Variants in AGAP3 observed in about 807,000 individuals in gnomAD.
The protein encoded by AGAP3 is ArfGAP with GTPase domain, ankyrin repeat and PH domain 3.
A neutral mutation model predicts 96.9 loss-of-function variants in AGAP3; 24 were observed. The observed-to-expected ratio is 0.25, with a 90% CI of 0.18 to 0.35. The LOEUF (loss-of-function observed/expected upper bound fraction) is 0.35. AGAP3 is among the 10% of genes least tolerant of loss of function. AGAP3 has a pLI of 1.00. For missense variants in AGAP3, 876 were observed against 1,254.2 expected, an observed-to-expected ratio of 0.70 and a Z score of 4.55; for synonymous variants, 563 against 536.1, an observed-to-expected ratio of 1.05 and a Z score of -0.69.
In AGAP3 at chr7:151,114,737, C is replaced by A; in HGVS notation, c.332-2056C>A. On this transcript the variant is annotated intron_variant, in intron 1 of 17. Transcript: ENST00000397238. The surrounding 1 kb of genome is among the most constrained non-coding windows in gnomAD (Gnocchi z 4.4). ...CCCGGGCCCAGCCCCGTGCCCCTCG[C>A]CATGGGCCTGGCCCGCGCCCGCCGG... 3.0e-6 allele frequency: 3 copies of A among 1,013,142 alleles called. No homozygotes were observed. The highest frequency in any genetic ancestry group is 3.5e-6 in the Non-Finnish European group (3 of 849,238). The allele number at this position is 1,013,142 out of a possible 1,614,324, so 62.8% of individuals were successfully genotyped here. A position where few individuals can be genotyped will look rare whatever the true frequency, so the allele number is the denominator to read the frequency against.
At chr7:151,134,965 T>C (rs139503782) in intron 11 of AGAP3, among the ~76,000 whole-genome samples, 2 of 152,142 alleles carry the variant, frequency 1.3e-5, no homozygotes, top group African/African-American at 4.8e-5. Context: ...CTGTCTGAGG[T>C]CAACCTGGTG....
chr7:151,089,030 C>A lies in AGAP3; in HGVS notation c.331+1958C>A, dbSNP rs1023387683. Among the ~76,000 whole-genome samples, 14 of 152,222 alleles carry A rather than the reference C, an allele frequency of 9.2e-5. No individual in the cohort carries two copies. The East Asian group carries it at 2.7e-3, about 29-fold the overall frequency. ...ACATCCGTTCTCAGCCCTGCTGTTC[C>A]CACTCCTGGGCCCTGCTGCCCTGCT... On this transcript the variant is annotated intron_variant, in intron 1 of 17. Transcript: ENST00000397238.
intron 8 of AGAP3, among the ~76,000 whole-genome samples, chr7:151,122,221 G>A (rs756813458): frequency 3.3e-5 from 5 of 152,218 alleles, no homozygotes; most frequent in African/African-American, 1.2e-4. Flanking sequence ...GGGCTGTGGC[G>A]GTCTGGGCCG....
At chr7:151,087,302 G>A in intron 1 of AGAP3, 1 of 569,034 alleles carries the variant, frequency 1.8e-6, no homozygotes, top group Non-Finnish European at 3.2e-6. Flanking sequence ...GTGTTCCAGG[G>A]CGCGAAGGTG....
At chr7:151,126,449 G>A (rs965755830) in intron 9 of AGAP3, among the ~76,000 whole-genome samples, 6 of 151,442 alleles carry the variant, frequency 4.0e-5, no homozygotes, top group Admixed American at 2.0e-4. Context: ...GGAGAGGCTG[G>A]GAGAGGCTGG....
rs1799150489 is a variant in AGAP3 at position 151,108,540 on chromosome 7, G to C, written c.332-8253G>C. 6.6e-6 allele frequency among the ~76,000 whole-genome samples: 1 copy of C among 152,208 alleles called. No individual in the cohort carries two copies. The highest frequency in any genetic ancestry group is 1.5e-5 in the Non-Finnish European group (1 of 68,046). On this transcript the variant is annotated intron_variant, in intron 1 of 17. Coordinates refer to ENST00000397238, the MANE Select transcript of AGAP3 (RefSeq NM_031946.7). This position sits in a 1 kb window ranked among gnomAD's most constrained non-coding sequence, Gnocchi z 4.2. ...CTCTCAGACCGACATCCTGACCTCTGGAGATGGGGCAGAATCCCCGGGCCT... is the reference window on the plus strand; with the variant it reads ...CTCTCAGACCGACATCCTGACCTCTCGAGATGGGGCAGAATCCCCGGGCCT...
intron 1 of AGAP3, among the ~76,000 whole-genome samples, chr7:151,107,874 G>C (rs1470745740): frequency 1.3e-5 from 2 of 152,234 alleles, no homozygotes; most frequent in East Asian, 3.9e-4. Context: ...GCCGTACGAT[G>C]CTTCATATTC....
intron 10 of AGAP3, among the ~76,000 whole-genome samples, chr7:151,130,165 C>T (rs1800348416): frequency 6.6e-6 from 1 of 152,204 alleles, no homozygotes; most frequent in Non-Finnish European, 1.5e-5. Context: ...CCCCTTTGCC[C>T]AGTTCTTACC....
chr7:151,130,941 C>T (rs1800379192), intron 10 of AGAP3: 1 of 152,354 alleles, frequency 6.6e-6, no homozygotes, highest in Non-Finnish European at 1.5e-5. Flanking sequence ...CACCTCCCTA[C>T]CTGTGAGCAG....
In AGAP3 at chr7:151,142,248, C is replaced by T. The variant is rs1800845475; in HGVS notation, c.2045C>T (p.Ala682Val). 2 of 1,612,876 alleles carry T rather than the reference C, an allele frequency of 1.2e-6. No individual in the cohort carries two copies. The highest frequency in any genetic ancestry group is 1.7e-6 in the Non-Finnish European group (2 of 1,179,902). Reference protein sequence around the residue: ...RGNSFCIDCDAPNPDWASLNL... With the variant: ...RGNSFCIDCDVPNPDWASLNL... ...AACAGCTTTTGTATCGACTGCGATGCACCCAGTGAGTGCAAGGCTGGTGGG... is the reference window on the plus strand; with the variant it reads ...AACAGCTTTTGTATCGACTGCGATGTACCCAGTGAGTGCAAGGCTGGTGGG... Residue 682 changes from alanine (A) to valine (V), a missense_variant, in exon 15 of 18, where the codon GCA becomes GTA. By Grantham distance (64) the Ala-to-Val change is moderately conservative (BLOSUM62 0). Coordinates refer to ENST00000397238, the MANE Select transcript of AGAP3 (RefSeq NM_031946.7). The surrounding 1 kb of genome is among the most constrained non-coding windows in gnomAD (Gnocchi z 7.5).
At chr7:151,101,245 G>A (rs191257299) in intron 1 of AGAP3, among the ~76,000 whole-genome samples, 36 of 152,364 alleles carry the variant, frequency 2.4e-4, no homozygotes, top group Non-Finnish European at 3.8e-4. Context: ...TCCTGGGCTG[G>A]TGGGGGAATG....
intron 1 of AGAP3, among the ~76,000 whole-genome samples, chr7:151,104,114 CG>C (rs1227590753): frequency 2.0e-5 from 3 of 152,150 alleles, no homozygotes; most frequent in African/African-American, 7.2e-5. Flanking sequence ...TAAACTGCCC[CG>C]CACAACTGTT....
intron 1 of AGAP3, among the ~76,000 whole-genome samples, chr7:151,102,737 T>A (rs1309317401): frequency 1.3e-5 from 2 of 151,966 alleles, no homozygotes; most frequent in Non-Finnish European, 2.9e-5. Flanking sequence ...CACCTCAGCC[T>A]CCCAAGTAGC....
At position 151,086,575 on chromosome 7, in the gene AGAP3, G is replaced by C. The variant is rs1438170436; in HGVS notation, c.-167G>C. ...GTGCGCGGCGGCGCCTCCTGGCCTCGGCCTCCGGCCCCCGGCCCCCGGCTC... is the reference window on the plus strand; with the variant it reads ...GTGCGCGGCGGCGCCTCCTGGCCTCCGCCTCCGGCCCCCGGCCCCCGGCTC... On this transcript the variant is annotated 5_prime_UTR_variant, in exon 1 of 18. Transcript: ENST00000397238. Among the ~76,000 whole-genome samples the C allele has an allele frequency of 2.0e-5, 3 of 147,048 alleles. No homozygotes were observed. The highest frequency in any genetic ancestry group is 7.3e-5 in the African/African-American group (3 of 40,924).
intron 1 of AGAP3, among the ~76,000 whole-genome samples, chr7:151,091,230 G>T (rs568594625): frequency 8.5e-5 from 13 of 152,312 alleles, no homozygotes; most frequent in African/African-American, 2.6e-4. Context: ...GGACTGGGGG[G>T]GTCTGGGATG....
rs777890780 is a variant in AGAP3, at chr7:151,143,570, G to A, written c.2503G>A (p.Val835Ile). The change falls in exon 17 of 18, where the codon GTT (valine) becomes ATT (isoleucine). Residue 835 changes from valine to isoleucine, a missense_variant. Val to Ile is a conservative substitution (Grantham distance 29). This residue lies in a region of AGAP3 where 213 missense variants were observed against 253.8 expected (regional missense o/e 0.84). Transcript: ENST00000397238. The surrounding 1 kb of genome is among the most constrained non-coding windows in gnomAD (Gnocchi z 5.9). ...ALHLSSAMAN[V>I]VFTQLLIWYG... ...ACATCTCTCCAGTGCCATGGCCAACGTTGTCTTCACGCAGCTGCTCATCTG... is the reference window on the plus strand; with the variant it reads ...ACATCTCTCCAGTGCCATGGCCAACATTGTCTTCACGCAGCTGCTCATCTG... The A allele has an allele frequency of 2.0e-5, 32 of 1,607,648 alleles. No individual in the cohort carries two copies. Among genetic ancestry groups the A allele is most frequent in the Admixed American group, 1.0e-4 (6 of 59,828 alleles).
Position 151,142,425 on chromosome 7 carries a change from C to T in AGAP3, c.2064C>T (p.Ala688=). ...IDCDAPNPDW[A]SLNLGALMCI... ...CTCCTTGCCTAGATCCAGACTGGGC[C>T]AGCCTGAACCTGGGTGCCCTGATGT... Residue 688 remains alanine, a synonymous_variant, in exon 16 of 18, where the codon GCC becomes GCT. Coordinates refer to ENST00000397238, the MANE Select transcript of AGAP3 (RefSeq NM_031946.7). The surrounding 1 kb of genome is among the most constrained non-coding windows in gnomAD (Gnocchi z 7.5). 1 of 1,613,816 alleles carries T rather than the reference C, an allele frequency of 6.2e-7. No individual in the cohort carries two copies. The highest frequency in any genetic ancestry group is 8.5e-7 in the Non-Finnish European group (1 of 1,179,872).
At chr7:151,136,967 T>A (rs777528480) in intron 11 of AGAP3, among the ~76,000 whole-genome samples, 10 of 152,248 alleles carry the variant, frequency 6.6e-5, no homozygotes, top group Non-Finnish European at 1.2e-4. Context: ...GAGACCGGCC[T>A]GTAGCCTCTG....
rs192450197 is a variant in AGAP3 at position 151,128,589 on chromosome 7, C to T, written c.1231C>T (p.Leu411=). 127 of 1,613,716 alleles carry T rather than the reference C, an allele frequency of 7.9e-5. 1 individual carries two copies. In the East Asian group the frequency reaches 2.7e-3, roughly 34 times the overall value. The part of the protein sequence containing the change: ...RAIPIKQGIL[L]KRSGKSLNKE... Reference sequence around the variant, plus strand: ...AGACCTCTGTTCTCAGGGGATCCTGCTAAAGCGGAGCGGCAAGTCCCTGAA... The same window carrying T: ...AGACCTCTGTTCTCAGGGGATCCTGTTAAAGCGGAGCGGCAAGTCCCTGAA... Residue 411 remains leucine, a synonymous_variant, in exon 10 of 18, where the codon CTA becomes TTA. Transcript: ENST00000397238.
Sources: gnomAD v4.1 joint callset for allele counts (sites outside exome capture counted in the v4.1 genomes callset) on GRCh38, gnomAD v4.1.1 for gene constraint, gnomAD v4.1.1 regional missense constraint, Gnocchi (gnomAD v3.1) non-coding constraint, MANE v1.5 for transcripts, NCBI Gene and HGNC (gene_info 2026-07-23, HGNC 2026-07-21) for gene names.